The following DNAAF5 variants were observed in gnomAD, a reference collection of about 807,000 sequenced individuals.
The protein encoded by DNAAF5 is dynein axonemal assembly factor 5, also known as HEAT repeat containing 2.
A neutral mutation model predicts 75.8 loss-of-function variants in DNAAF5; 64 were observed. The observed-to-expected ratio is 0.84, with a 90% CI of 0.69 to 1.04. DNAAF5 has a LOEUF of 1.04. Among genes scored for constraint, DNAAF5 ranks in the 50% least tolerant of loss-of-function variants. The pLI, the probability that DNAAF5 is intolerant of heterozygous loss-of-function variation, is 0.00. For synonymous variants in DNAAF5, 657 were observed against 557.2 expected, an observed-to-expected ratio of 1.18 and a Z score of -2.52; for missense variants, 1,269 against 1,178.5, an observed-to-expected ratio of 1.08 and a Z score of -1.12.
rs1554251301 is a variant in DNAAF5 at position 740,880 on chromosome 7, C to T, written c.842C>T (p.Ser281Phe). 2.5e-6 allele frequency: 4 copies of T among 1,614,100 alleles called. No homozygotes were observed. The South Asian group carries it at 3.3e-5, about 13-fold the overall frequency. ...CTGCTGTGTCTGCGTGACCGTTACT[C>T]CTTCTTCCACAAGCTCATCCCTCTG... ...GWLLCLRDRY[S>F]FFHKLIPLLL... is the part of the protein sequence containing the mutation. The change falls in exon 3 of 13, where the codon TCC becomes TTC. Residue 281 changes from serine to phenylalanine, a missense_variant. By Grantham distance (155) the Ser-to-Phe change is radical. Transcript: ENST00000297440.
intron 4 of DNAAF5, among the ~76,000 whole-genome samples, 154 bp downstream of exon 4, chr7:741,619 C>T (rs549412458): frequency 6.3e-4 from 96 of 152,346 alleles, no homozygotes; most frequent in Admixed American, 1.1e-3. Context: ...GGCTGGGGCT[C>T]CTGCATCCTG....
chr7:738,882 G>A (rs970828155), intron 2 of DNAAF5, among the ~76,000 whole-genome samples: 8 of 152,228 alleles, frequency 5.3e-5, no homozygotes, highest in South Asian at 2.1e-4. Flanking sequence ...GTGGGGCCCC[G>A]CAGAGACCCT....
rs772405827 is a variant in DNAAF5 at position 770,579 on chromosome 7, C to T, written c.1892C>T (p.Thr631Ile). ...MRLKLFSILS[T>I]VLLRATDTIN... Reference sequence around the variant, plus strand: ...CTGAAGCTGTTCTCCATCCTGTCCACCGTGCTGCTCAGAGCCACGGACACC... The same window carrying T: ...CTGAAGCTGTTCTCCATCCTGTCCATCGTGCTGCTCAGAGCCACGGACACC... The change falls in exon 9 of 13, where the codon ACC (threonine) becomes ATC (isoleucine). Residue 631 changes from threonine to isoleucine, a missense_variant. Physicochemically the swap from Thr to Ile is moderately conservative, Grantham distance 89. Transcript: ENST00000297440. 2 of 1,613,782 alleles carry T rather than the reference C, an allele frequency of 1.2e-6. No individual in the cohort carries two copies. The highest frequency in any genetic ancestry group is 2.7e-5 in the African/African-American group (2 of 74,946).
intron 8 of DNAAF5, chr7:769,264 A>G (rs1778470500): frequency 1.4e-6 from 1 of 721,922 alleles, no homozygotes; most frequent in African/African-American, 1.7e-5. Flanking sequence ...GCCCGGGGCC[A>G]GAGCGCCTCC....
intron 12 of DNAAF5, among the ~76,000 whole-genome samples, chr7:783,810 C>A (rs974108761): frequency 2.0e-5 from 3 of 152,060 alleles, no homozygotes; most frequent in Non-Finnish European, 4.4e-5. Flanking sequence ...GAGTTCTGAG[C>A]TTCTCCTACT....
At chr7:784,287 C>G (rs949217866) in intron 12 of DNAAF5, among the ~76,000 whole-genome samples, 10 of 152,210 alleles carry the variant, frequency 6.6e-5, no homozygotes, top group Non-Finnish European at 1.2e-4. Context: ...TCCCTCAGAG[C>G]TCTTCTCCTG....
chr7:756,029 C>T (rs1302752060), intron 5 of DNAAF5, among the ~76,000 whole-genome samples: 2 of 126,724 alleles, frequency 1.6e-5, no homozygotes, highest in African/African-American at 6.2e-5. Flanking sequence ...TGAAATCCCA[C>T]GGTGCAGAGG....
At chr7:735,311 C>T (rs74200860) in intron 2 of DNAAF5, among the ~76,000 whole-genome samples, 14 of 148,412 alleles carry the variant, frequency 9.4e-5, no homozygotes, top group East Asian at 8.0e-4. Flanking sequence ...TCATTGCTCA[C>T]GGTGTAGTTC....
At chr7:732,993 C>T (rs1277568466) in intron 2 of DNAAF5, among the ~76,000 whole-genome samples, 1 of 152,170 alleles carries the variant, frequency 6.6e-6, no homozygotes, top group Non-Finnish European at 1.5e-5. Context: ...CATTTTTCTG[C>T]ATATGGAGTT....
At chr7:753,882 G>A (rs1360002031) in intron 4 of DNAAF5, among the ~76,000 whole-genome samples, 4 of 140,548 alleles carry the variant, frequency 2.8e-5, no homozygotes, top group South Asian at 2.3e-4. Context: ...CTTCGCAGGC[G>A]TCTCTCTCTC....
In DNAAF5 at chr7:745,395, T is replaced by A. The variant is rs545411500; in HGVS notation, c.1024+3930T>A. Among the ~76,000 whole-genome samples, 9 of 151,990 alleles carry A rather than the reference T, an allele frequency of 5.9e-5. 1 individual carries two copies. In the South Asian group the frequency reaches 1.2e-3, roughly 21 times the overall value. On this transcript the variant is annotated intron_variant, in intron 4 of 12. Transcript: ENST00000297440. The stretch of plus-strand genomic sequence containing the variant: ...ACGATCTATGATCCTTGGAATGCGG[T>A]AAGGGAGAAGACAGAGCGAGGCGCA...
rs1243939594 is a variant in DNAAF5 at position 754,142 on chromosome 7, T to C, written c.1025-447T>C. On this transcript the variant is annotated intron_variant, in intron 4 of 12. Transcript: ENST00000297440. This position sits in a 1 kb window ranked among gnomAD's most constrained non-coding sequence, Gnocchi z 4.8. ...TACACGTCAGCACGTGTGGCAAGTG[T>C]GTTGTTTGCATCTCTGTGTGGCTCT... Among the ~76,000 whole-genome samples the C allele has an allele frequency of 1.3e-5, 2 of 152,158 alleles. No individual in the cohort carries two copies. Among genetic ancestry groups the C allele is most frequent in the African/African-American group, 4.8e-5 (2 of 41,438 alleles).
At chr7:781,204 GC>G (rs1778929053) in intron 12 of DNAAF5, among the ~76,000 whole-genome samples, 1 of 152,172 alleles carries the variant, frequency 6.6e-6, no homozygotes, top group Non-Finnish European at 1.5e-5. Flanking sequence ...GCCTCTGGGA[GC>G]CATCCTTCTG....
chr7:734,391 G>A (rs755355859), intron 2 of DNAAF5, among the ~76,000 whole-genome samples: 7 of 152,180 alleles, frequency 4.6e-5, no homozygotes, highest in Non-Finnish European at 7.3e-5. Context: ...GATATGATGT[G>A]TCACATTGAT....
chr7:759,772 C>G (rs1782588219), intron 6 of DNAAF5, among the ~76,000 whole-genome samples: 1 of 152,090 alleles, frequency 6.6e-6, no homozygotes, highest in Non-Finnish European at 1.5e-5. Flanking sequence ...GCAAAGGATG[C>G]CTGATTCCCT....
intron 4 of DNAAF5, among the ~76,000 whole-genome samples, chr7:752,909 A>G (rs998375008): frequency 6.6e-6 from 1 of 152,230 alleles, no homozygotes; most frequent in Non-Finnish European, 1.5e-5. Flanking sequence ...AACAATTTGG[A>G]AAGACCCTTT....
intron 8 of DNAAF5, among the ~76,000 whole-genome samples, chr7:765,721 G>A (rs1033921174): frequency 3.3e-5 from 5 of 151,954 alleles, no homozygotes; most frequent in African/African-American, 1.2e-4. Flanking sequence ...TTTGTTTTTT[G>A]AGACGGTCTC....
intron 1 of DNAAF5, among the ~76,000 whole-genome samples, chr7:728,880 G>C (rs1222057503): frequency 6.6e-6 from 1 of 152,228 alleles, no homozygotes; most frequent in Non-Finnish European, 1.5e-5. Flanking sequence ...CAACGGCAGA[G>C]AGGTTGAGGC....
chr7:762,487 G>A lies in DNAAF5; in HGVS notation c.1614+591G>A, dbSNP rs191507280. 9.8e-3 allele frequency among the ~76,000 whole-genome samples: 1,370 copies of A among 139,706 alleles called. 24 individuals are homozygous for A. The highest frequency in any genetic ancestry group is 0.035 in the African/African-American group (1,318 of 37,916). The allele number at this position is 139,706 out of a possible 152,430, so 91.7% of individuals were successfully genotyped here. A position where few individuals can be genotyped will look rare whatever the true frequency, so the allele number is the denominator to read the frequency against. ...GGGCTGAGCAACAGAGCGAGACTCC[G>A]TCCAAAAAAAAAAAAAAGTGCATGT... On this transcript the variant is annotated intron_variant, in intron 7 of 12. Coordinates refer to ENST00000297440, the MANE Select transcript of DNAAF5 (RefSeq NM_017802.4).
Sources: gnomAD v4.1 joint callset for allele counts (sites outside exome capture counted in the v4.1 genomes callset) on GRCh38, gnomAD v4.1.1 for gene constraint, Gnocchi (gnomAD v3.1) non-coding constraint, MANE v1.5 for transcripts, NCBI Gene and HGNC (gene_info 2026-07-23, HGNC 2026-07-21) for gene names.